Variants in ZBTB41 observed in about 807,000 individuals in gnomAD.
ZBTB41 encodes the protein zinc finger and BTB domain-containing protein 41.
ZBTB41 carries 42 observed loss-of-function variants against 87.6 expected under a neutral mutation model. The observed-to-expected ratio is 0.48, with a 90% confidence interval of 0.37 to 0.62. The LOEUF (loss-of-function observed/expected upper bound fraction) is 0.62. Among genes scored for constraint, ZBTB41 ranks in the 20% least tolerant of loss-of-function variants. The pLI is 0.00. For synonymous variants in ZBTB41, 364 were observed against 364.0 expected, an observed-to-expected ratio of 1.00 and a Z score of 0.00; for missense variants, 799 against 1,078.9, an observed-to-expected ratio of 0.74 and a Z score of 3.63.
At chr1:197,186,891 C>A (rs541806464) in intron 5 of ZBTB41, among the ~76,000 whole-genome samples, 167 of 151,518 alleles carry the variant, frequency 1.1e-3, no homozygotes, top group South Asian at 9.6e-3. Context: ...AACAAAAAAA[C>A]CAAAAAAAAT....
In ZBTB41 at chr1:197,176,601, A is replaced by T; in HGVS notation, c.1842T>A (p.Arg614=). 6 of 1,612,264 alleles carry T rather than the reference A, an allele frequency of 3.7e-6. No individual in the cohort carries two copies. The highest frequency in any genetic ancestry group is 5.1e-6 in the Non-Finnish European group (6 of 1,179,106). The change falls in exon 8 of 11, where the codon CGT becomes CGA. Residue 614 remains arginine, a synonymous_variant. Coordinates refer to ENST00000367405, the MANE Select transcript of ZBTB41 (RefSeq NM_194314.3). ...ECDECGKTFI[R]HDHLTKHKKI... ...TTTTGTGCTTTGTAAGGTGATCATG[A>T]CGGATAAATGTTTTTCCACATTCAT... is the stretch of plus-strand genomic sequence containing the variant.
At chr1:197,160,416 T>C (rs1659173095) in intron 10 of ZBTB41, among the ~76,000 whole-genome samples, 1 of 152,108 alleles carries the variant, frequency 6.6e-6, no homozygotes, top group Non-Finnish European at 1.5e-5. Context: ...TTACTTTTAT[T>C]CCCATAGCCC....
intron 2 of ZBTB41, among the ~76,000 whole-genome samples, chr1:197,197,072 G>T (rs898669660): frequency 6.6e-6 from 1 of 152,008 alleles, no homozygotes; most frequent in Admixed American, 6.6e-5. Flanking sequence ...CAATAAATAT[G>T]CTAGAACACC....
rs753899434 is a variant in ZBTB41, at chr1:197,159,540, C to A, written c.2549G>T (p.Arg850Leu). 3 of 1,613,838 alleles carry A rather than the reference C, an allele frequency of 1.9e-6. No homozygotes were observed. The highest frequency in any genetic ancestry group is 2.5e-6 in the Non-Finnish European group (3 of 1,179,854). ...SPQPQSTDYP[R>L]AADLAFLEKY... ...TTCCAGAAAAGCTAAATCCGCTGCT[C>A]GTGGATAATCAGTTGACTGTGGCTG... Residue 850 changes from arginine to leucine, a missense_variant, in exon 11 of 11, where the codon CGA (arginine) becomes CTA (leucine). Transcript: ENST00000367405.
rs1174332441 is a variant in ZBTB41, at chr1:197,199,991, A to T, written c.483T>A (p.Ala161=). 2.5e-6 allele frequency: 4 copies of T among 1,613,494 alleles called. No individual in the cohort carries two copies. The highest frequency in any genetic ancestry group is 3.4e-6 in the Non-Finnish European group (4 of 1,179,824). The change falls in exon 2 of 11, where the codon GCT becomes GCA. Residue 161 remains alanine, a synonymous_variant. Transcript: ENST00000367405. ...YKYEIPLVLE[A]AKFLDIIDAV... ...CATCTATAATGTCCAAAAATTTTGC[A>T]GCCTCTAAAACAAGAGGTATTTCAT...
intron 10 of ZBTB41, 46 bp downstream of exon 10, chr1:197,172,114 T>C: frequency 1.3e-6 from 1 of 762,510 alleles, no homozygotes; most frequent in South Asian, 4.1e-5. Context: ...ACTATATATA[T>C]CTCTCTCTAT....
At chr1:197,172,438 T>C (rs1030608697) in intron 9 of ZBTB41, among the ~76,000 whole-genome samples, 190 bp from the exon 10 acceptor site, 32 of 152,012 alleles carry the variant, frequency 2.1e-4, no homozygotes, top group African/African-American at 7.7e-4. Flanking sequence ...TTTTAATATG[T>C]TGAGCTTGCC....
rs114995368 is a variant in ZBTB41 at position 197,187,727 on chromosome 1, A to G, written c.1546+565T>C. Among the ~76,000 whole-genome samples the G allele has an allele frequency of 7.8e-3, 1,190 of 151,678 alleles. 10 individuals are homozygous for G. The highest frequency in any genetic ancestry group is 0.026 in the African/African-American group (1,082 of 41,530). On this transcript the variant is annotated intron_variant, in intron 5 of 10. Coordinates refer to ENST00000367405, the MANE Select transcript of ZBTB41 (RefSeq NM_194314.3). ...GAAGAAGGCAACCTGAAAAGGCAAC[A>G]CAGTGTATGATTCCAACCATATGAC... is the stretch of plus-strand genomic sequence containing the variant.
intron 4 of ZBTB41, among the ~76,000 whole-genome samples, chr1:197,190,495 A>T (rs975280193): frequency 6.6e-6 from 1 of 152,238 alleles, no homozygotes; most frequent in Non-Finnish European, 1.5e-5. Flanking sequence ...CAGTAATGTC[A>T]CAGTTTATAT....
intron 6 of ZBTB41, 115 bp from the exon 7 acceptor site, chr1:197,178,627 C>T: frequency 1.7e-6 from 1 of 593,490 alleles, no homozygotes; most frequent in South Asian, 3.5e-5. Flanking sequence ...CAATTCTCTC[C>T]TCTTTCTTAC....
At chr1:197,182,525 C>A (rs550287246) in intron 5 of ZBTB41, among the ~76,000 whole-genome samples, 1 of 152,046 alleles carries the variant, frequency 6.6e-6, no homozygotes, top group Admixed American at 6.6e-5. Context: ...GATCCTCCCA[C>A]CTGTCTCCCA....
intron 10 of ZBTB41, among the ~76,000 whole-genome samples, chr1:197,167,107 C>T (rs1659365282): frequency 6.6e-6 from 1 of 151,984 alleles, no homozygotes; most frequent in Non-Finnish European, 1.5e-5. Context: ...AAAAAATGTA[C>T]AAAATATAAG....
intron 4 of ZBTB41, 99 bp downstream of exon 4, chr1:197,190,663 A>G (rs1660004444): frequency 3.1e-6 from 2 of 653,584 alleles, no homozygotes; most frequent in Non-Finnish European, 5.2e-6. Context: ...AAAGTGAGAT[A>G]AGCTAAGTCA....
chr1:197,162,022 T>A (rs1659214246), intron 10 of ZBTB41, among the ~76,000 whole-genome samples: 1 of 152,148 alleles, frequency 6.6e-6, no homozygotes, highest in Non-Finnish European at 1.5e-5. Flanking sequence ...GTTTTTAAAC[T>A]TAGAATAATC....
rs1251095766 is a variant in ZBTB41 at position 197,172,203 on chromosome 1, A to T, written c.2031T>A (p.Phe677Leu). The change falls in exon 10 of 11, where the codon TTT (phenylalanine) becomes TTA (leucine). Residue 677 changes from phenylalanine to leucine, a missense_variant. Physicochemically the swap from Phe to Leu is conservative, Grantham distance 22 (BLOSUM62 0). This residue lies in a region of ZBTB41 where 198 missense variants were observed against 358.4 expected (regional missense o/e 0.55). Coordinates refer to ENST00000367405, the MANE Select transcript of ZBTB41 (RefSeq NM_194314.3). ...GCATTTCCAGACTTGATTTGCCTTT[A>T]AAAATTTTCTTACAAACATCACATT... ...FHQCDVCKKI[F>L]KGKSSLEMHF... 2 of 1,438,532 alleles carry T rather than the reference A, an allele frequency of 1.4e-6. No individual in the cohort carries two copies. The highest frequency in any genetic ancestry group is 1.8e-6 in the Non-Finnish European group (2 of 1,084,390). The allele number at this position is 1,438,532 out of a possible 1,614,324, so 89.1% of individuals were successfully genotyped here. A position where few individuals can be genotyped will look rare whatever the true frequency, so the allele number is the denominator to read the frequency against.
chr1:197,174,479 A>G (rs1659554383), intron 9 of ZBTB41, among the ~76,000 whole-genome samples: 1 of 152,102 alleles, frequency 6.6e-6, no homozygotes, highest in Non-Finnish European at 1.5e-5. Flanking sequence ...ACTTTAGAAC[A>G]TGTCTGTTGT....
rs761035454 is a variant in ZBTB41 at position 197,199,964 on chromosome 1, T to C, written c.510A>G (p.Ala170=). The part of the protein sequence containing the change: ...EAAKFLDIID[A]VKLLNNENVA... ...CATTTTCGTTATTTAACAACTTCAC[T>C]GCATCTATAATGTCCAAAAATTTTG... The change falls in exon 2 of 11, where the codon GCA becomes GCG. Residue 170 remains alanine (A), a synonymous_variant. Transcript: ENST00000367405. 5 of 1,613,412 alleles carry C rather than the reference T, an allele frequency of 3.1e-6. No homozygotes were observed. In the African/African-American group the frequency reaches 4.0e-5, roughly 13 times the overall value.
chr1:197,171,849 A>G (rs958931421), intron 10 of ZBTB41, among the ~76,000 whole-genome samples: 12 of 151,970 alleles, frequency 7.9e-5, no homozygotes, highest in South Asian at 4.1e-4. Context: ...AGCAAAATAA[A>G]GAAGAATCAT....
Position 197,200,459 on chromosome 1 carries a change from T to C in ZBTB41, c.15A>G (p.Arg5=). The C allele has an allele frequency of 1.3e-6, 2 of 1,591,368 alleles. No individual in the cohort carries two copies. The highest frequency in any genetic ancestry group is 1.7e-6 in the Non-Finnish European group (2 of 1,171,890). The change falls in exon 2 of 11, where the codon AGA becomes AGG. Residue 5 remains arginine (R), a synonymous_variant. Coordinates refer to ENST00000367405, the MANE Select transcript of ZBTB41 (RefSeq NM_194314.3). ...TCTTCTCAAGATTTGAAGTAACCTT[T>C]CTCCTCTTCTTCATTGCAGTACAGC... MKKR[R]KVTSNLEKIH...
Sources: allele counts gnomAD v4.1 joint callset (sites outside exome capture counted in the v4.1 genomes callset), GRCh38; gene constraint gnomAD v4.1.1; regional missense constraint gnomAD v4.1.1; transcripts MANE v1.5; gene names NCBI Gene and HGNC (gene_info 2026-07-23, HGNC 2026-07-21).